Variants in DNAH6 observed in about 807,000 individuals in gnomAD.
DNAH6 encodes dynein axonemal heavy chain 6.
A neutral mutation model predicts 491.4 loss-of-function variants in DNAH6; 340 were observed. The observed-to-expected ratio is 0.69, with a 90% CI of 0.63 to 0.76. DNAH6 has a LOEUF of 0.76. DNAH6 is among the 30% of genes least tolerant of loss of function. The pLI, the probability that DNAH6 is intolerant of heterozygous loss-of-function variation, is 0.00. For missense variants in DNAH6, 4,443 were observed against 4,972.2 expected, an observed-to-expected ratio of 0.89 and a Z score of 3.20; for synonymous variants, 1,603 against 1,686.1, an observed-to-expected ratio of 0.95 and a Z score of 1.21.
At chr2:84,514,485 A>T (rs962878564), upstream of DNAH6, among the ~76,000 whole-genome samples, 2 of 152,216 alleles carry the variant, frequency 1.3e-5, no homozygotes, top group Non-Finnish European at 1.5e-5. Context: ...AATGCTAAAA[A>T]AATTTTAACT....
intron 37 of DNAH6, among the ~76,000 whole-genome samples, chr2:84,664,582 A>G (rs1277131452): frequency 6.6e-6 from 1 of 152,226 alleles, no homozygotes; most frequent in Non-Finnish European, 1.5e-5. Context: ...ATACAGGAGC[A>G]CCCAGATTCA....
At chr2:84,536,267 G>A (rs547997212) in intron 4 of DNAH6, among the ~76,000 whole-genome samples, 1 of 152,110 alleles carries the variant, frequency 6.6e-6, no homozygotes, top group Admixed American at 6.6e-5. Context: ...ATTTAGTAAA[G>A]GTTAGTTCTT....
chr2:84,578,941 T>G (rs1682741211), intron 13 of DNAH6, among the ~76,000 whole-genome samples: 1 of 152,242 alleles, frequency 6.6e-6, no homozygotes, highest in Non-Finnish European at 1.5e-5. Flanking sequence ...TGCTGCCTTG[T>G]GAAGAAGGTG....
chr2:84,551,771 G>A (rs1164519824), intron 9 of DNAH6, among the ~76,000 whole-genome samples: 1 of 152,228 alleles, frequency 6.6e-6, no homozygotes, highest in Non-Finnish European at 1.5e-5. Flanking sequence ...ATTTAGGCCA[G>A]GCGTGGTGAC....
At chr2:84,583,844 A>G (rs957847281) in intron 14 of DNAH6, among the ~76,000 whole-genome samples, 155 bp from the exon 15 acceptor site, 3 of 152,170 alleles carry the variant, frequency 2.0e-5, no homozygotes, top group African/African-American at 4.8e-5. Context: ...CCTTTCTTTT[A>G]TAAATTACCC....
chr2:84,558,818 C>T (rs1039937848), intron 11 of DNAH6, among the ~76,000 whole-genome samples: 2 of 152,126 alleles, frequency 1.3e-5, no homozygotes, highest in Non-Finnish European at 2.9e-5. Flanking sequence ...CATTATTCCT[C>T]GGCTTGCTTC....
At chr2:84,695,111 A>G (rs1192294) in intron 46 of DNAH6, among the ~76,000 whole-genome samples, 15,525 of 152,180 alleles carry the variant, frequency 0.1, 1,345 homozygotes, top group African/African-American at 0.24. Context: ...TTTAGTATCT[A>G]TGACATGCAA....
Position 84,742,065 on chromosome 2 carries a change from C to A in DNAH6, c.10343-3015C>A, listed in dbSNP as rs550728014. ...CTCTTCTCTAATGAATCCAAGCATT[C>A]TCTCCTAGATTACCTGTTTGAACTG... On this transcript the variant is annotated intron_variant, in intron 62 of 76. Transcript: ENST00000389394. Among the ~76,000 whole-genome samples, 8 of 152,324 alleles carry A rather than the reference C, an allele frequency of 5.3e-5. No individual in the cohort carries two copies. The South Asian group carries it at 1.5e-3, about 28-fold the overall frequency.
intron 33 of DNAH6, among the ~76,000 whole-genome samples, chr2:84,645,474 T>C (rs1298577595): frequency 3.3e-5 from 5 of 152,128 alleles, no homozygotes; most frequent in African/African-American, 1.2e-4. Context: ...TGGTATCACA[T>C]TGTGGTTTTG....
At chr2:84,619,972 T>C in intron 24 of DNAH6, 68 bp downstream of exon 24, 1 of 1,316,758 alleles carries the variant, frequency 7.6e-7, no homozygotes, top group South Asian at 1.4e-5. Flanking sequence ...ATTCTCACTC[T>C]AAGCATACAG....
chr2:84,567,323 C>CA (rs1474831111), intron 11 of DNAH6, among the ~76,000 whole-genome samples: 1 of 151,898 alleles, frequency 6.6e-6, no homozygotes, highest in Non-Finnish European at 1.5e-5. Flanking sequence ...CCTATGGAAC[C>CA]AAAAAAGAGC....
intron 31 of DNAH6, among the ~76,000 whole-genome samples, chr2:84,639,539 C>T (rs1170265970): frequency 6.6e-6 from 1 of 151,890 alleles, no homozygotes; most frequent in South Asian, 2.1e-4. Context: ...CTACCTCAGC[C>T]TCCCAAGTAG....
In DNAH6 at chr2:84,579,678, G is replaced by A. The variant is rs1161894934; in HGVS notation, c.2228G>A (p.Arg743Gln). The change falls in exon 14 of 77, where the codon CGG becomes CAG. Residue 743 changes from arginine to glutamine, a missense_variant and splice_region_variant. This residue lies in a region of DNAH6 where 2,977 missense variants were observed against 3,296.6 expected (regional missense o/e 0.90). Transcript: ENST00000389394. ...SLLFLDEIQE[R>Q]IESLEDEGNI... ...TTATTTCTTGATGAAATTCAGGAAC[G>A]GGTGAGTTGATTATCTCATATAACT... 1.0e-5 allele frequency: 16 copies of A among 1,578,428 alleles called. No homozygotes were observed. The highest frequency in any genetic ancestry group is 7.1e-5 in the South Asian group (6 of 84,116).
At chr2:84,675,752 A>C (rs1693180964) in intron 40 of DNAH6, among the ~76,000 whole-genome samples, 1 of 152,084 alleles carries the variant, frequency 6.6e-6, no homozygotes, top group African/African-American at 2.4e-5. Flanking sequence ...TCAACCTCCC[A>C]GGCTCAAGCA....
intron 44 of DNAH6, 32 bp downstream of exon 44, chr2:84,686,589 G>A (rs1276707380): frequency 6.6e-6 from 8 of 1,208,420 alleles, no homozygotes; most frequent in Admixed American, 2.5e-5. Context: ...GACCTCATTT[G>A]AAAATTGTAA....
rs572051304 is a variant in DNAH6 at position 84,715,678 on chromosome 2, A to G, written c.9611+51A>G. On this transcript the variant is annotated intron_variant, in intron 58 of 76. Coordinates refer to ENST00000389394, the MANE Select transcript of DNAH6 (RefSeq NM_001370.2). Reference sequence around the variant, plus strand: ...GGGAAGGGGGTATTGTGGGTTTCCTAAATATTTTGTTTAGAAATATTGACA... The same window carrying G: ...GGGAAGGGGGTATTGTGGGTTTCCTGAATATTTTGTTTAGAAATATTGACA... The G allele has an allele frequency of 1.1e-4, 169 of 1,496,690 alleles. No individual in the cohort carries two copies. In the African/African-American group the frequency reaches 1.9e-3, roughly 17 times the overall value. 92.7% of individuals were successfully genotyped at this position (1,496,690 alleles called of 1,614,324 possible).
At chr2:84,713,017 T>C in intron 56 of DNAH6, 78 bp from the exon 57 acceptor site, 1 of 1,288,208 alleles carries the variant, frequency 7.8e-7, no homozygotes, top group Non-Finnish European at 1.1e-6. Flanking sequence ...TTTTGAGGCC[T>C]AAGGAATTTT....
Position 84,653,873 on chromosome 2 carries a change from A to C in DNAH6, c.5633A>C (p.Glu1878Ala). 2.6e-6 allele frequency: 4 copies of C among 1,545,366 alleles called. No homozygotes were observed. The highest frequency in any genetic ancestry group is 3.5e-6 in the Non-Finnish European group (4 of 1,143,418). Residue 1878 changes from glutamate (E) to alanine (A), a missense_variant and splice_region_variant, in exon 34 of 77, where the codon GAG becomes GCG. Physicochemically the swap from Glu to Ala is moderately radical, Grantham distance 107 (BLOSUM62 -1). This residue lies in a region of DNAH6 where 2,977 missense variants were observed against 3,296.6 expected (regional missense o/e 0.90). Transcript: ENST00000389394. ...ACACCTCAAATTCACATGCTTTTTG[A>C]GGTAAGTGTACACATTACTGTGGAG... The part of the protein sequence containing the change: ...KLTPQIHMLF[E>A]VQDLRVASPA...
chr2:84,604,672 C>G, intron 19 of DNAH6, 121 bp downstream of exon 19: 1 of 715,066 alleles, frequency 1.4e-6, no homozygotes, highest in Admixed American at 2.7e-5. Flanking sequence ...CATTATCAGT[C>G]ATCCCTCTGT....
Sources: allele counts gnomAD v4.1 joint callset (sites outside exome capture counted in the v4.1 genomes callset), GRCh38; gene constraint gnomAD v4.1.1; regional missense constraint gnomAD v4.1.1; transcripts MANE v1.5; gene names NCBI Gene and HGNC (gene_info 2026-07-23, HGNC 2026-07-21).